YTHDC2: variants seen among roughly 807,000 people sequenced by gnomAD.
The protein encoded by YTHDC2 is YTH N6-methyladenosine RNA binding protein C2.
A neutral mutation model predicts 174.9 loss-of-function variants in YTHDC2; 45 were observed. The observed-to-expected ratio is 0.26, with a 90% CI of 0.20 to 0.33. The LOEUF is 0.33. Among genes scored for constraint, YTHDC2 ranks in the 10% least tolerant of loss-of-function variants. The pLI is 1.00. For synonymous variants in YTHDC2, 657 were observed against 574.5 expected, an observed-to-expected ratio of 1.14 and a Z score of -2.05; for missense variants, 1,650 against 1,723.7, an observed-to-expected ratio of 0.96 and a Z score of 0.76.
At chr5:113,589,389 A>C (rs946685294) in intron 26 of YTHDC2, among the ~76,000 whole-genome samples, 2 of 54,694 alleles carry the variant, frequency 3.7e-5, no homozygotes, top group African/African-American at 1.4e-4. Context: ...CAAGTCTTTT[A>C]AAAATTAAAA....
chr5:113,526,634 C>T lies in YTHDC2; in HGVS notation c.524C>T (p.Pro175Leu), dbSNP rs201471038. 2.5e-6 allele frequency: 4 copies of T among 1,598,814 alleles called. No homozygotes were observed. The highest frequency in any genetic ancestry group is 1.7e-6 in the Non-Finnish European group (2 of 1,171,846). The change falls in exon 4 of 30, where the codon CCT (proline) becomes CTT (leucine). Residue 175 changes from proline to leucine, a missense_variant. Physicochemically the swap from Pro to Leu is moderately conservative, Grantham distance 98 (BLOSUM62 -3). This residue lies in a region of YTHDC2 where 304 missense variants were observed against 341.4 expected (regional missense o/e 0.89). Transcript: ENST00000161863. ...AGTGGGCGACTCAACAATGGCATAC[C>T]TCAGATTCCAGTGAAAAGAGGAGAA... is the stretch of plus-strand genomic sequence containing the variant. Reference protein sequence around the residue: ...KTSGRLNNGIPQIPVKRGESE... With the variant: ...KTSGRLNNGILQIPVKRGESE...
chr5:113,584,250 T>C (rs1778551305), intron 25 of YTHDC2, 52 bp from the exon 26 acceptor site: 15 of 1,494,784 alleles, frequency 1.0e-5, no homozygotes, highest in Non-Finnish European at 1.4e-5. Flanking sequence ...AACTGATCTT[T>C]GTATGACGAA....
chr5:113,586,022 T>C (rs1778663308), intron 26 of YTHDC2, among the ~76,000 whole-genome samples: 1 of 152,060 alleles, frequency 6.6e-6, no homozygotes, highest in Non-Finnish European at 1.5e-5. Context: ...GGCAAATCCC[T>C]AGGATTAGTA....
chr5:113,513,756 G>T lies in YTHDC2; in HGVS notation c.-140G>T. On this transcript the variant is annotated 5_prime_UTR_variant, in exon 1 of 30. Transcript: ENST00000161863. The stretch of plus-strand genomic sequence containing the variant: ...CACTTCTGCTGTGGCGGTGACTGAG[G>T]CCTTTCTGGTGACCTCAGCCCAACA... 1.2e-6 allele frequency: 1 copy of T among 858,898 alleles called. No homozygotes were observed. The highest frequency in any genetic ancestry group is 1.7e-6 in the Non-Finnish European group (1 of 591,626). The allele number at this position is 858,898 out of a possible 1,614,324, so 53.2% of individuals were successfully genotyped here.
chr5:113,594,757 C>T lies in YTHDC2; in HGVS notation c.*1283C>T, dbSNP rs546633810. 84 of 152,248 alleles carry T rather than the reference C, an allele frequency of 5.5e-4. 1 individual carries two copies. Among genetic ancestry groups the T allele is most frequent in the African/African-American group, 2.0e-3 (84 of 41,544 alleles). 9.4% of individuals were successfully genotyped at this position (152,248 alleles called of 1,614,324 possible). A position where few individuals can be genotyped will look rare whatever the true frequency, so the allele number is the denominator to read the frequency against. On this transcript the variant is annotated 3_prime_UTR_variant, in exon 30 of 30. Transcript: ENST00000161863. ...TTTTAGTTATTCTTATAAAAGCAAA[C>T]AGGCAAACATGAGTGTAAATTAAAG...
At chr5:113,569,425 A>G (rs559153565) in intron 23 of YTHDC2, among the ~76,000 whole-genome samples, 11 of 152,252 alleles carry the variant, frequency 7.2e-5, no homozygotes, top group Non-Finnish European at 2.9e-5. Flanking sequence ...GCCTGTGCCT[A>G]TGTCCTGAAT....
At chr5:113,589,520 A>G (rs1778898271) in intron 26 of YTHDC2, among the ~76,000 whole-genome samples, 1 of 150,418 alleles carries the variant, frequency 6.6e-6, no homozygotes, top group Admixed American at 6.6e-5. Flanking sequence ...TGAGGCTAGG[A>G]GTTTGAGAAC....
intron 23 of YTHDC2, among the ~76,000 whole-genome samples, chr5:113,578,671 G>A (rs1778215453): frequency 6.6e-6 from 1 of 152,066 alleles, no homozygotes; most frequent in African/African-American, 2.4e-5. Context: ...CCGGTATGTA[G>A]GTTTTAGGTG....
At chr5:113,529,048 G>T (rs557497044) in intron 4 of YTHDC2, among the ~76,000 whole-genome samples, 2 of 151,696 alleles carry the variant, frequency 1.3e-5, no homozygotes, top group Admixed American at 6.6e-5. Context: ...TAACAGATTT[G>T]GATATTTTTC....
intron 5 of YTHDC2, 119 bp downstream of exon 5, chr5:113,533,164 G>A: frequency 8.9e-7 from 1 of 1,123,110 alleles, no homozygotes; most frequent in Non-Finnish European, 1.3e-6. Flanking sequence ...CTCCAAGTAA[G>A]TCTACATCAA....
intron 4 of YTHDC2, among the ~76,000 whole-genome samples, chr5:113,529,380 A>G (rs929975845): frequency 3.3e-5 from 5 of 152,190 alleles, no homozygotes; most frequent in African/African-American, 2.4e-5. Flanking sequence ...GAATGTTTCA[A>G]TAGGATAAAT....
intron 5 of YTHDC2, 77 bp from the exon 6 acceptor site, chr5:113,534,228 C>T: frequency 9.4e-7 from 1 of 1,059,660 alleles, no homozygotes; most frequent in Non-Finnish European, 1.5e-6. Flanking sequence ...TGTACGAGGC[C>T]AGCATTTAAT....
Position 113,581,482 on chromosome 5 carries a change from T to C in YTHDC2, c.3420T>C (p.Ala1140=). The C allele has an allele frequency of 6.2e-7, 1 of 1,613,690 alleles. No homozygotes were observed. Among genetic ancestry groups the C allele is most frequent in the Non-Finnish European group, 8.5e-7 (1 of 1,179,814 alleles). The part of the protein sequence containing the change: ...WHSLFLRRMR[A]PSKPWSQVDE... Reference sequence around the variant, plus strand: ...GCTTATTTTTACGCCGAATGAGAGCTCCATCTAAACCTTGGTCTCAAGTTG... The same window carrying C: ...GCTTATTTTTACGCCGAATGAGAGCCCCATCTAAACCTTGGTCTCAAGTTG... The change falls in exon 25 of 30, where the codon GCT becomes GCC. Residue 1140 remains alanine (A), a synonymous_variant. Coordinates refer to ENST00000161863, the MANE Select transcript of YTHDC2 (RefSeq NM_022828.5).
chr5:113,582,313 G>A (rs905782443), intron 25 of YTHDC2: 1 of 152,158 alleles, frequency 6.6e-6, no homozygotes, highest in Non-Finnish European at 1.5e-5. Flanking sequence ...CAAGATTTCT[G>A]TTATAATTTA....
intron 2 of YTHDC2, among the ~76,000 whole-genome samples, chr5:113,524,131 A>G (rs1774057272): frequency 6.6e-6 from 1 of 152,158 alleles, no homozygotes; most frequent in South Asian, 2.1e-4. Context: ...TAGTGCCACA[A>G]CTAGTAAGTG....
At chr5:113,580,299 A>G (rs952522856) in intron 24 of YTHDC2, among the ~76,000 whole-genome samples, 1 of 152,184 alleles carries the variant, frequency 6.6e-6, no homozygotes, top group Non-Finnish European at 1.5e-5. Flanking sequence ...ATTTCTGGAT[A>G]TATAAGAAAG....
intron 26 of YTHDC2, among the ~76,000 whole-genome samples, chr5:113,590,829 G>C (rs936910265): frequency 2.0e-5 from 3 of 152,168 alleles, no homozygotes; most frequent in Non-Finnish European, 4.4e-5. Flanking sequence ...GTTGATAAGG[G>C]ATTTTGAATG....
rs369293847 is a variant in YTHDC2, at chr5:113,591,180, G to T, written c.3965G>T (p.Arg1322Leu). The T allele has an allele frequency of 1.2e-6, 2 of 1,613,920 alleles. No homozygotes were observed. The highest frequency in any genetic ancestry group is 3.3e-5 in the Admixed American group (2 of 59,996). ...CCTAGTAATGAACGGAAGCTAAATC[G>T]AGCCTTTTGGGAAAGCAGCATAGTT... ...TTPSNERKLN[R>L]AFWESSIVYL... The change falls in exon 27 of 30, where the codon CGA (arginine) becomes CTA (leucine). Residue 1322 changes from arginine (R) to leucine (L), a missense_variant. This residue lies in a region of YTHDC2 where 913 missense variants were observed against 940.4 expected (regional missense o/e 0.97). Transcript: ENST00000161863.
chr5:113,561,533 A>G (rs1434078612), intron 18 of YTHDC2, among the ~76,000 whole-genome samples: 1 of 149,432 alleles, frequency 6.7e-6, no homozygotes, highest in Non-Finnish European at 1.5e-5. Flanking sequence ...CAGTGGCGCG[A>G]TCTCGGCTCA....
Sources: allele counts gnomAD v4.1 joint callset (sites outside exome capture counted in the v4.1 genomes callset), GRCh38; gene constraint gnomAD v4.1.1; regional missense constraint gnomAD v4.1.1; transcripts MANE v1.5; gene names NCBI Gene and HGNC (gene_info 2026-07-23, HGNC 2026-07-21).